The following SFRP1 variants were observed in gnomAD, a reference collection of about 807,000 sequenced individuals.
SFRP1 encodes the protein secreted frizzled related protein 1, also known as secreted frizzled-related protein 1.
SFRP1 carries 9 observed loss-of-function variants against 25.9 expected under a neutral mutation model. The observed-to-expected ratio is 0.35, with a 90% CI of 0.21 to 0.61. The LOEUF (loss-of-function observed/expected upper bound fraction) is 0.61, where lower values mean the gene tolerates loss of function less well. SFRP1 is among the 20% of genes least tolerant of loss of function. The probability of loss-of-function intolerance (pLI) is 0.78; values close to 1 mark genes in which losing one functional copy is unlikely to be tolerated. For synonymous variants in SFRP1, 178 were observed against 174.0 expected, an observed-to-expected ratio of 1.02 and a Z score of -0.18; for missense variants, 346 against 418.2, an observed-to-expected ratio of 0.83 and a Z score of 1.51.
In SFRP1 at chr8:41,272,058, G is replaced by C. The variant is rs1232207484; in HGVS notation, c.623-6569C>G. 3.3e-5 allele frequency among the ~76,000 whole-genome samples: 5 copies of C among 152,110 alleles called. 1 individual carries two copies. Among genetic ancestry groups the C allele is most frequent in the Admixed American group, 2.6e-4 (4 of 15,272 alleles). On this transcript the variant is annotated intron_variant, in intron 2 of 2. Transcript: ENST00000220772. ...CTATTAAAAGGAATGTTCAGAGACT[G>C]GGAAAGATTACTTGGAAATTTAAAA... is the stretch of plus-strand genomic sequence containing the variant.
At chr8:41,293,090 A>G (rs1164994178) in intron 2 of SFRP1, among the ~76,000 whole-genome samples, 1 of 152,244 alleles carries the variant, frequency 6.6e-6, no homozygotes, top group Non-Finnish European at 1.5e-5. Flanking sequence ...TTCCTTGCCC[A>G]GGGCTGACAA....
intron 1 of SFRP1, among the ~76,000 whole-genome samples, chr8:41,307,457 A>G (rs1397254767): frequency 6.6e-6 from 1 of 152,164 alleles, no homozygotes; most frequent in African/African-American, 2.4e-5. Flanking sequence ...TTTAGCATCA[A>G]TAACAGAGGT....
At chr8:41,281,778 T>A (rs1296696685) in intron 2 of SFRP1, among the ~76,000 whole-genome samples, 1 of 152,214 alleles carries the variant, frequency 6.6e-6, no homozygotes. Context: ...ATGAATTTCA[T>A]ATACATGGCC....
chr8:41,266,048 C>T (rs946070929), intron 2 of SFRP1, among the ~76,000 whole-genome samples: 1 of 152,084 alleles, frequency 6.6e-6, no homozygotes, highest in Non-Finnish European at 1.5e-5. Context: ...CGCCCATAAT[C>T]CCAGCTACTA....
chr8:41,291,231 T>C (rs1803776125), intron 2 of SFRP1, among the ~76,000 whole-genome samples: 1 of 152,018 alleles, frequency 6.6e-6, no homozygotes, highest in South Asian at 2.1e-4. Context: ...TTTTTAAAGA[T>C]ATAAGACAGT....
chr8:41,297,415 G>A (rs1488273976), intron 2 of SFRP1, among the ~76,000 whole-genome samples: 3 of 152,164 alleles, frequency 2.0e-5, no homozygotes, highest in Non-Finnish European at 4.4e-5. Flanking sequence ...CCATTAACCA[G>A]AGAATTAACT....
chr8:41,296,396 C>T (rs565482444), intron 2 of SFRP1, among the ~76,000 whole-genome samples: 15 of 151,978 alleles, frequency 9.9e-5, no homozygotes, highest in African/African-American at 3.6e-4. Context: ...ATTTCAAGCA[C>T]AATCTATAGG....
intron 2 of SFRP1, among the ~76,000 whole-genome samples, chr8:41,298,515 T>A: frequency 6.6e-6 from 1 of 152,088 alleles, no homozygotes; most frequent in Non-Finnish European, 1.5e-5. Flanking sequence ...CAAGCAATCC[T>A]CCCACCACAG....
At chr8:41,307,156 A>G (rs568986718) in intron 1 of SFRP1, among the ~76,000 whole-genome samples, 1 of 152,326 alleles carries the variant, frequency 6.6e-6, no homozygotes, top group Non-Finnish European at 1.5e-5. Context: ...AACAGAACAC[A>G]AGGCGCTTTG....
rs137860564 is a variant in SFRP1 at position 41,297,839 on chromosome 8, C to T, written c.622+5622G>A. 5.2e-3 allele frequency among the ~76,000 whole-genome samples: 795 copies of T among 152,090 alleles called. 1 individual carries two copies. Among genetic ancestry groups the T allele is most frequent in the Middle Eastern group, 0.01 (3 of 294 alleles). ...GCTCCTTCCGTGTGCTGGGCACAGA[C>T]ATCAGTCCATTTAAATTCTACAAAC... On this transcript the variant is annotated intron_variant, in intron 2 of 2. Transcript: ENST00000220772.
intron 2 of SFRP1, among the ~76,000 whole-genome samples, chr8:41,299,662 C>CCAAAA (rs1384676736): frequency 1.5e-5 from 1 of 66,368 alleles, no homozygotes; most frequent in African/African-American, 6.8e-5. Context: ...GACTTAGTCT[C>CCAAAA]AAAAAAAAAA....
chr8:41,289,611 C>A (rs540659167), intron 2 of SFRP1, among the ~76,000 whole-genome samples: 1 of 152,142 alleles, frequency 6.6e-6, no homozygotes, highest in Non-Finnish European at 1.5e-5. Context: ...ATTACAGCAC[C>A]GCCTTTATGT....
intron 2 of SFRP1, among the ~76,000 whole-genome samples, chr8:41,291,206 C>A (rs891842151): frequency 2.0e-5 from 3 of 151,854 alleles, no homozygotes; most frequent in Non-Finnish European, 2.9e-5. Flanking sequence ...CCACGCCCGG[C>A]CTTTTTTGAG....
chr8:41,276,821 C>T lies in SFRP1; in HGVS notation c.623-11332G>A, dbSNP rs76690910. 2,351 of 389,206 alleles carry T rather than the reference C, an allele frequency of 6.0e-3. 44 individuals are homozygous for T. Among genetic ancestry groups the T allele is most frequent in the African/African-American group, 0.039 (1,894 of 48,170 alleles). 24.1% of individuals were successfully genotyped at this position (389,206 alleles called of 1,614,324 possible). A position where few individuals can be genotyped will look rare whatever the true frequency, so the allele number is the denominator to read the frequency against. On this transcript the variant is annotated intron_variant, in intron 2 of 2. Transcript: ENST00000220772. ...GTTGTCCTGTTTTCTGGACCCCAGA[C>T]ACCTCAGGAAGGTGGCCAGGCAGGA...
intron 2 of SFRP1, among the ~76,000 whole-genome samples, chr8:41,300,915 A>T (rs1444090171): frequency 6.6e-6 from 1 of 152,232 alleles, no homozygotes; most frequent in Non-Finnish European, 1.5e-5. Flanking sequence ...GCATCAGCAC[A>T]CAAGCTTTTC....
At chr8:41,306,591 T>C (rs1804000510) in intron 1 of SFRP1, 2 of 1,057,422 alleles carry the variant, frequency 1.9e-6, no homozygotes, top group Non-Finnish European at 1.3e-6. Context: ...GGGAGGGTGG[T>C]GTGCCATCTC....
chr8:41,305,493 C>T lies in SFRP1; in HGVS notation c.545-1955G>A, dbSNP rs138716393. On this transcript the variant is annotated intron_variant, in intron 1 of 2. Coordinates refer to ENST00000220772, the MANE Select transcript of SFRP1 (RefSeq NM_003012.5). ...CTATCTCAGCTTTTCTAACGGCTGA[C>T]TCTGGAGCAGCCTGATCCAGAGAGA... 1.7e-3 allele frequency among the ~76,000 whole-genome samples: 266 copies of T among 152,276 alleles called. 3 individuals carry two copies. The highest frequency in any genetic ancestry group is 0.016 in the Admixed American group (242 of 15,304).
intron 2 of SFRP1, among the ~76,000 whole-genome samples, chr8:41,285,586 G>A (rs1290357494): frequency 1.3e-5 from 2 of 152,188 alleles, no homozygotes; most frequent in South Asian, 2.1e-4. Context: ...CAGGAAAGCC[G>A]GGAGCCAGGG....
At chr8:41,307,042 G>A in intron 1 of SFRP1, 1 of 1,430,258 alleles carries the variant, frequency 7.0e-7, no homozygotes, top group East Asian at 2.6e-5. Flanking sequence ...TGGACTCCAG[G>A]TCAGGGCTGG....
Sources: gnomAD v4.1 joint callset for allele counts (sites outside exome capture counted in the v4.1 genomes callset) on GRCh38, gnomAD v4.1.1 for gene constraint, MANE v1.5 for transcripts, NCBI Gene and HGNC (gene_info 2026-07-23, HGNC 2026-07-21) for gene names.